CALCR: variants seen among roughly 807,000 people sequenced by gnomAD.
CALCR encodes the protein calcitonin receptor.
In CALCR, 47 loss-of-function variants were observed where a neutral mutation model predicts 59.5. That is an observed-to-expected ratio of 0.79 (90% CI 0.63 to 1.01). The LOEUF is 1.01. CALCR is among the 50% of genes least tolerant of loss of function. The pLI, the probability that CALCR is intolerant of heterozygous loss-of-function variation, is 0.00. For missense variants in CALCR, 566 were observed against 597.1 expected (o/e 0.95, Z 0.54); for synonymous variants, 213 against 211.3 (o/e 1.01, Z -0.07).
At chr7:93,517,476 C>G (rs1801674658) in intron 2 of CALCR, among the ~76,000 whole-genome samples, 1 of 151,708 alleles carries the variant, frequency 6.6e-6, no homozygotes, top group African/African-American at 2.4e-5. Flanking sequence ...TAAATTATTA[C>G]TACACCTATT....
intron 12 of CALCR, 120 bp downstream of exon 12, chr7:93,435,832 A>AATT: frequency 2.9e-6 from 1 of 342,512 alleles, no homozygotes; most frequent in East Asian, 5.0e-5. Context: ...AATAATAAAT[A>AATT]AATAAATAAA....
chr7:93,485,435 A>G (rs1800920688), intron 3 of CALCR, among the ~76,000 whole-genome samples: 1 of 151,748 alleles, frequency 6.6e-6, no homozygotes. Context: ...TTGTAATAAA[A>G]AAGGTAATTA....
chr7:93,460,955 A>C lies in CALCR; in HGVS notation c.522-8T>G. ...CTTTGGCAGCCAAGGCTCCTGGAAG[A>C]AAAAGTAACATAAAGCATTAACCAG... On this transcript the variant is annotated splice_polypyrimidine_tract_variant and splice_region_variant and intron_variant, in intron 7 of 13. Coordinates refer to ENST00000426151, the MANE Select transcript of CALCR (RefSeq NM_001742.4). 6.2e-7 allele frequency: 1 copy of C among 1,606,074 alleles called. No homozygotes were observed. The highest frequency in any genetic ancestry group is 1.1e-5 in the South Asian group (1 of 89,438).
intron 7 of CALCR, chr7:93,462,050 T>A: frequency 7.0e-7 from 1 of 1,435,156 alleles, no homozygotes; most frequent in Non-Finnish European, 9.4e-7. Context: ...AAAAATAGCC[T>A]GGGTTTACTT....
At chr7:93,566,183 T>C (rs1024947940) in intron 2 of CALCR, among the ~76,000 whole-genome samples, 3 of 152,198 alleles carry the variant, frequency 2.0e-5, no homozygotes, top group Non-Finnish European at 4.4e-5. Flanking sequence ...GCCTACTTAA[T>C]AGACAGATTT....
At chr7:93,503,431 C>T (rs1474856754) in intron 2 of CALCR, among the ~76,000 whole-genome samples, 1 of 151,838 alleles carries the variant, frequency 6.6e-6, no homozygotes, top group African/African-American at 2.4e-5. Flanking sequence ...CACACATACA[C>T]ATACACACGA....
intron 9 of CALCR, chr7:93,441,609 G>A (rs567588836): frequency 1.1e-5 from 5 of 443,528 alleles, no homozygotes; most frequent in African/African-American, 1.0e-4. Context: ...ACCTGTTTTA[G>A]GACAGGAAAG....
intron 2 of CALCR, among the ~76,000 whole-genome samples, chr7:93,510,018 G>A (rs1463401593): frequency 6.7e-6 from 1 of 150,122 alleles, no homozygotes; most frequent in Non-Finnish European, 1.5e-5. Context: ...ATGATTTGGA[G>A]TGATCTATAT....
chr7:93,441,481 G>A (rs768283887), intron 9 of CALCR: 1 of 451,482 alleles, frequency 2.2e-6, no homozygotes, highest in South Asian at 1.6e-5. Context: ...TCTAGAAATT[G>A]TTGAGAGGGT....
At chr7:93,475,829 A>G (rs958962782) in intron 5 of CALCR, among the ~76,000 whole-genome samples, 4 of 151,746 alleles carry the variant, frequency 2.6e-5, no homozygotes, top group Non-Finnish European at 4.4e-5. Context: ...CCCTTTAGAA[A>G]CCAAACACCC....
intron 12 of CALCR, 118 bp downstream of exon 12, chr7:93,435,834 A>T (rs1396588906): frequency 2.7e-6 from 1 of 364,888 alleles, no homozygotes; most frequent in African/African-American, 2.1e-5. Context: ...TAATAAATAA[A>T]TAAATAAATA....
Position 93,460,572 on chromosome 7 carries a change from AAT to A in CALCR, c.648+247_648+248del, listed in dbSNP as rs57481670. 1.5e-3 allele frequency among the ~76,000 whole-genome samples: 99 copies of A among 66,508 alleles called. 1 individual carries two copies. The highest frequency in any genetic ancestry group is 6.0e-3 in the East Asian group (12 of 1,988). The allele number at this position is 66,508 out of a possible 152,430, so 43.6% of individuals were successfully genotyped here. On this transcript the variant is annotated intron_variant, in intron 8 of 13. Coordinates refer to ENST00000426151, the MANE Select transcript of CALCR (RefSeq NM_001742.4). ...CTCTATCTAAAAAAAAAAAAAAAAA[AAT>A]ATATATATATATATATATGTATATA... is the stretch of plus-strand genomic sequence containing the variant.
intron 2 of CALCR, among the ~76,000 whole-genome samples, chr7:93,571,236 T>C (rs1761873320): frequency 6.6e-6 from 1 of 152,150 alleles, no homozygotes; most frequent in African/African-American, 2.4e-5. Context: ...TTTAATTAAG[T>C]AAAAGATCTA....
At chr7:93,573,961 T>G (rs1157942797) in intron 2 of CALCR, among the ~76,000 whole-genome samples, 3 of 152,234 alleles carry the variant, frequency 2.0e-5, no homozygotes, top group Admixed American at 2.0e-4. Context: ...TTAACCTCCG[T>G]AATTTTCCTA....
intron 3 of CALCR, chr7:93,482,632 C>T: frequency 6.5e-6 from 2 of 308,198 alleles, no homozygotes; most frequent in Non-Finnish European, 6.4e-6. Context: ...CCGAGGATAA[C>T]AAGTAGAAAA....
chr7:93,547,864 G>C (rs921695148), intron 2 of CALCR, among the ~76,000 whole-genome samples: 20 of 152,164 alleles, frequency 1.3e-4, no homozygotes, highest in Admixed American at 6.6e-4. Flanking sequence ...CATTGTACGG[G>C]GGGTAGTTTG....
intron 2 of CALCR, among the ~76,000 whole-genome samples, chr7:93,495,726 A>C (rs886893527): frequency 6.6e-6 from 1 of 151,362 alleles, no homozygotes. Flanking sequence ...AAAAACCTGG[A>C]CAGGAGCCCC....
At chr7:93,435,905 G>T in intron 12 of CALCR, 47 bp downstream of exon 12, 1 of 972,906 alleles carries the variant, frequency 1.0e-6, no homozygotes, top group Non-Finnish European at 1.6e-6. Context: ...AAATCAGCTA[G>T]CTGAATAAGC....
intron 3 of CALCR, among the ~76,000 whole-genome samples, chr7:93,483,732 T>C (rs75068432): frequency 0.028 from 4,286 of 151,782 alleles, 73 homozygotes; most frequent in Middle Eastern, 0.061. Context: ...TCAAATATCC[T>C]ACTTATTATA....
Sources: allele counts gnomAD v4.1 joint callset (sites outside exome capture counted in the v4.1 genomes callset), GRCh38; gene constraint gnomAD v4.1.1; transcripts MANE v1.5; gene names NCBI Gene and HGNC (gene_info 2026-07-23, HGNC 2026-07-21).